The following IMMP2L variants were observed in gnomAD, a reference collection of about 807,000 sequenced individuals.
IMMP2L encodes the protein inner mitochondrial membrane peptidase subunit 2.
Under a neutral mutation model 19.3 loss-of-function variants are expected in IMMP2L, and 18 were observed. The observed-to-expected ratio is 0.93, with a 90% CI of 0.64 to 1.38. IMMP2L has a LOEUF of 1.38. Ranked by LOEUF, IMMP2L falls within the 40% of genes most tolerant of loss-of-function variation. The pLI is 0.00. For synonymous variants in IMMP2L, 76 were observed against 73.0 expected, an observed-to-expected ratio of 1.04 and a Z score of -0.21; for missense variants, 233 against 218.2, an observed-to-expected ratio of 1.07 and a Z score of -0.43.
chr7:111,041,381 C>A (rs1033834070), intron 3 of IMMP2L, among the ~76,000 whole-genome samples: 1 of 151,892 alleles, frequency 6.6e-6, no homozygotes, highest in East Asian at 1.9e-4. Context: ...TAAAATGTGT[C>A]TTTGTGGCAG....
chr7:110,695,948 G>A (rs750148522), intron 5 of IMMP2L, among the ~76,000 whole-genome samples: 1 of 152,214 alleles, frequency 6.6e-6, no homozygotes, highest in Non-Finnish European at 1.5e-5. Flanking sequence ...TAATACAGCT[G>A]TGACTTTCAG....
At chr7:110,858,954 T>C (rs558793124) in intron 5 of IMMP2L, among the ~76,000 whole-genome samples, 5 of 152,258 alleles carry the variant, frequency 3.3e-5, no homozygotes, top group African/African-American at 1.2e-4. Flanking sequence ...TGTGGCTCCA[T>C]AGTATTCAAA....
chr7:111,233,362 T>C (rs1225010553), intron 3 of IMMP2L, among the ~76,000 whole-genome samples: 2 of 152,098 alleles, frequency 1.3e-5, no homozygotes, highest in African/African-American at 2.4e-5. Context: ...AGACCTCAAA[T>C]TGCTTTTTGT....
intron 3 of IMMP2L, among the ~76,000 whole-genome samples, chr7:111,020,016 T>G (rs1826115218): frequency 6.6e-6 from 1 of 151,872 alleles, no homozygotes; most frequent in Admixed American, 6.6e-5. Flanking sequence ...TATATTCACT[T>G]ACTCAACAGA....
intron 5 of IMMP2L, among the ~76,000 whole-genome samples, chr7:110,883,128 T>G (rs533850085): frequency 6.6e-6 from 1 of 152,362 alleles, no homozygotes; most frequent in Non-Finnish European, 1.5e-5. Context: ...TATGGAATTT[T>G]AATATTCATG....
intron 4 of IMMP2L, among the ~76,000 whole-genome samples, chr7:110,906,876 C>T (rs985647873): frequency 6.6e-6 from 1 of 152,096 alleles, no homozygotes; most frequent in African/African-American, 2.4e-5. Flanking sequence ...CCAGATATCG[C>T]CCTGACCCCT....
intron 3 of IMMP2L, among the ~76,000 whole-genome samples, chr7:111,048,462 C>T (rs1792668947): frequency 6.6e-6 from 1 of 151,842 alleles, no homozygotes; most frequent in Admixed American, 6.6e-5. Context: ...CTTTGCTGAC[C>T]ACCACCATCA....
chr7:111,137,433 T>C (rs1158925042), intron 3 of IMMP2L, among the ~76,000 whole-genome samples: 1 of 152,142 alleles, frequency 6.6e-6, no homozygotes, highest in Non-Finnish European at 1.5e-5. Flanking sequence ...AATTCACAAT[T>C]TTTCCATTAT....
rs570917691 is a variant in IMMP2L, at chr7:111,538,171, T to C, written c.-2-16722A>G. On this transcript the variant is annotated intron_variant, in intron 1 of 5. Coordinates refer to ENST00000405709, the MANE Select transcript of IMMP2L (RefSeq NM_032549.4). ...GTGAGTTCTGCGCGAGCAGAAACAC[T>C]TGTTCACTACTATACTTAAGTGCTT... Among the ~76,000 whole-genome samples, 768 of 152,042 alleles carry C rather than the reference T, an allele frequency of 5.1e-3. 8 individuals are homozygous for C. Among genetic ancestry groups the C allele is most frequent in the African/African-American group, 0.018 (743 of 41,340 alleles).
At chr7:111,084,873 A>T (rs2129576899) in intron 3 of IMMP2L, among the ~76,000 whole-genome samples, 1 of 152,344 alleles carries the variant, frequency 6.6e-6, no homozygotes, top group Admixed American at 6.5e-5. Flanking sequence ...TGAGGAGAAC[A>T]GAGAAGGAAA....
In IMMP2L at chr7:111,114,463, C is replaced by T. The variant is rs531530129; in HGVS notation, c.240-150898G>A. Among the ~76,000 whole-genome samples the T allele has an allele frequency of 3.9e-5, 6 of 152,140 alleles. No homozygotes were observed. In the East Asian group the frequency reaches 1.2e-3, roughly 29 times the overall value. On this transcript the variant is annotated intron_variant, in intron 3 of 5. Transcript: ENST00000405709. ...TGCACAAAGAAATATATTGGCTGGG[C>T]ACAGTGACCCACACCTGTAATCCCA...
intron 3 of IMMP2L, among the ~76,000 whole-genome samples, chr7:111,025,517 G>T (rs533536640): frequency 1.3e-5 from 2 of 152,222 alleles, no homozygotes; most frequent in South Asian, 4.1e-4. Context: ...AACAGGTTGC[G>T]CCTAAATGGT....
chr7:110,783,390 T>G (rs1273220865), intron 5 of IMMP2L, among the ~76,000 whole-genome samples: 1 of 151,872 alleles, frequency 6.6e-6, no homozygotes, highest in Non-Finnish European at 1.5e-5. Flanking sequence ...GGTTCTTAAG[T>G]CACAATTTAA....
intron 2 of IMMP2L, among the ~76,000 whole-genome samples, chr7:111,489,113 C>G (rs563426074): frequency 2.2e-4 from 32 of 148,784 alleles, no homozygotes; most frequent in African/African-American, 7.7e-4. Context: ...GCATCATCTC[C>G]GCTCACTGCA....
At chr7:110,818,324 A>G (rs959411320) in intron 5 of IMMP2L, among the ~76,000 whole-genome samples, 7 of 152,230 alleles carry the variant, frequency 4.6e-5, no homozygotes, top group Admixed American at 6.5e-5. Context: ...CACAATTCTC[A>G]AAAGAAGACA....
intron 3 of IMMP2L, among the ~76,000 whole-genome samples, chr7:111,405,372 C>G (rs1287778771): frequency 6.6e-6 from 1 of 151,416 alleles, no homozygotes; most frequent in Non-Finnish European, 1.5e-5. Context: ...AACAAATAAC[C>G]CCACACATTA....
At chr7:110,867,462 C>T (rs185158231) in intron 5 of IMMP2L, among the ~76,000 whole-genome samples, 209 of 152,056 alleles carry the variant, frequency 1.4e-3, no homozygotes, top group Admixed American at 3.7e-3. Context: ...GTCCTTAAGA[C>T]AATTCTACAA....
At chr7:111,186,027 A>C (rs1035533603) in intron 3 of IMMP2L, among the ~76,000 whole-genome samples, 2 of 152,218 alleles carry the variant, frequency 1.3e-5, no homozygotes, top group African/African-American at 4.8e-5. Context: ...ACATTTAAAT[A>C]TATTATGAAG....
chr7:110,824,696 T>C (rs1356825737), intron 5 of IMMP2L, among the ~76,000 whole-genome samples: 3 of 152,222 alleles, frequency 2.0e-5, no homozygotes, highest in South Asian at 2.1e-4. Context: ...GATCTTTACC[T>C]ATGTGCATGC....
Sources: allele counts gnomAD v4.1 joint callset (sites outside exome capture counted in the v4.1 genomes callset), GRCh38; gene constraint gnomAD v4.1.1; transcripts MANE v1.5; gene names NCBI Gene and HGNC (gene_info 2026-07-23, HGNC 2026-07-21).